The following XRCC4 variants were observed in gnomAD, a reference collection of about 807,000 sequenced individuals.
The protein encoded by XRCC4 is DNA repair protein XRCC4.
A neutral mutation model predicts 39.1 loss-of-function variants in XRCC4; 28 were observed. The observed-to-expected ratio is 0.72, with a 90% CI of 0.53 to 0.98. The LOEUF is 0.98. XRCC4 is among the 50% of genes least tolerant of loss of function. The pLI, the probability that XRCC4 is intolerant of heterozygous loss-of-function variation, is 0.00. For synonymous variants in XRCC4, 123 were observed against 126.4 expected (o/e 0.97, Z 0.18); for missense variants, 350 against 376.4 (o/e 0.93, Z 0.58).
chr5:83,333,931 G>A (rs1350726872), intron 7 of XRCC4, among the ~76,000 whole-genome samples: 1 of 151,940 alleles, frequency 6.6e-6, no homozygotes, highest in Non-Finnish European at 1.5e-5. Context: ...CACCACGCCT[G>A]GCTAATTTTT....
intron 7 of XRCC4, among the ~76,000 whole-genome samples, chr5:83,316,070 A>G (rs1022513793): frequency 4.6e-5 from 7 of 152,142 alleles, no homozygotes; most frequent in African/African-American, 1.7e-4. Flanking sequence ...CAACATTAAC[A>G]GGAGTTTGGG....
chr5:83,334,171 A>G (rs1180805566), intron 7 of XRCC4, among the ~76,000 whole-genome samples: 1 of 152,172 alleles, frequency 6.6e-6, no homozygotes, highest in Non-Finnish European at 1.5e-5. Flanking sequence ...ATCTTTCTAT[A>G]GGAAAAATCA....
intron 1 of XRCC4, among the ~76,000 whole-genome samples, chr5:83,097,474 A>G (rs772737994): frequency 3.3e-5 from 5 of 149,722 alleles, no homozygotes; most frequent in African/African-American, 1.0e-4. Context: ...AGTGGGGGGA[A>G]AAAAGTACAT....
rs138807348 is a variant in XRCC4 at position 83,285,679 on chromosome 5, T to C, written c.893+27002T>C. On this transcript the variant is annotated intron_variant, in intron 7 of 7. Transcript: ENST00000396027. ...ATAAACTGGCCATGGTGCCATATTG[T>C]GCAACTAATTAATATCGGTCAAGGG... 6.8e-3 allele frequency among the ~76,000 whole-genome samples: 1,031 copies of C among 152,304 alleles called. 31 individuals carry two copies. Among genetic ancestry groups the C allele is most frequent in the Admixed American group, 0.048 (741 of 15,286 alleles).
At chr5:83,305,486 A>G (rs138427358) in intron 7 of XRCC4, among the ~76,000 whole-genome samples, 1,913 of 152,232 alleles carry the variant, frequency 0.013, 38 homozygotes, top group African/African-American at 0.043. Context: ...AAAATGTGTT[A>G]TGTTTCCCAA....
chr5:83,120,562 A>C (rs1746962824), intron 3 of XRCC4, among the ~76,000 whole-genome samples: 1 of 152,208 alleles, frequency 6.6e-6, no homozygotes, highest in Non-Finnish European at 1.5e-5. Flanking sequence ...TCTGGCTCAT[A>C]ACTTTATTTG....
At chr5:83,336,586 C>T (rs1756601065) in intron 7 of XRCC4, among the ~76,000 whole-genome samples, 1 of 151,972 alleles carries the variant, frequency 6.6e-6, no homozygotes, top group Non-Finnish European at 1.5e-5. Flanking sequence ...GCTTATTTGC[C>T]CTGTTGTTTC....
rs1774108993 is a variant in XRCC4 at position 83,190,957 on chromosome 5, C to G, written c.316-4813C>G. ...TTTCTTTATTTGGACAGAATCACTGCCCAAATCCCTTACCTATCCTATTGT... is the reference window on the plus strand; with the variant it reads ...TTTCTTTATTTGGACAGAATCACTGGCCAAATCCCTTACCTATCCTATTGT... On this transcript the variant is annotated intron_variant, in intron 3 of 7. Transcript: ENST00000396027. Among the ~76,000 whole-genome samples, 3 of 152,088 alleles carry G rather than the reference C, an allele frequency of 2.0e-5. No individual in the cohort carries two copies. The South Asian group carries it at 6.2e-4, about 32-fold the overall frequency.
intron 3 of XRCC4, among the ~76,000 whole-genome samples, chr5:83,173,752 C>T (rs1023971785): frequency 1.3e-5 from 2 of 152,146 alleles, no homozygotes; most frequent in African/African-American, 2.4e-5. Flanking sequence ...CAGTTGAGAA[C>T]AACCTAACTA....
At chr5:83,174,623 G>T (rs1409501576) in intron 3 of XRCC4, among the ~76,000 whole-genome samples, 2 of 152,136 alleles carry the variant, frequency 1.3e-5, no homozygotes, top group African/African-American at 4.8e-5. Context: ...AGTGGAACTG[G>T]AGTAATGCAC....
At chr5:83,199,224 T>G (rs1751074048) in intron 4 of XRCC4, among the ~76,000 whole-genome samples, 1 of 152,144 alleles carries the variant, frequency 6.6e-6, no homozygotes, top group Non-Finnish European at 1.5e-5. Context: ...CTCCTCTTGA[T>G]AGCCCGTTAC....
intron 6 of XRCC4, among the ~76,000 whole-genome samples, chr5:83,251,392 C>T (rs527672270): frequency 2.6e-5 from 4 of 151,692 alleles, no homozygotes; most frequent in Non-Finnish European, 5.9e-5. Context: ...GGTGTGGTGG[C>T]GAGTGCCTGT....
At chr5:83,131,840 CCTGT>C (rs745863965) in intron 3 of XRCC4, among the ~76,000 whole-genome samples, 8 of 152,080 alleles carry the variant, frequency 5.3e-5, no homozygotes, top group Non-Finnish European at 1.0e-4. Flanking sequence ...CTCCAATCTG[CCTGT>C]CTGTGTCTTT....
chr5:83,348,745 CT>C (rs914049864), intron 7 of XRCC4, among the ~76,000 whole-genome samples: 27 of 152,220 alleles, frequency 1.8e-4, no homozygotes, highest in African/African-American at 6.3e-4. Flanking sequence ...ATGGGTTTTT[CT>C]TTTCTACCAT....
chr5:83,300,540 TTTTG>T (rs1320051693), intron 7 of XRCC4, among the ~76,000 whole-genome samples: 101 of 94,690 alleles, frequency 1.1e-3, no homozygotes, highest in African/African-American at 3.8e-3. Context: ...TAATTTTATC[TTTTG>T]TTTGTGTGTG....
chr5:83,286,272 G>C (rs1754729525), intron 7 of XRCC4, among the ~76,000 whole-genome samples: 1 of 152,096 alleles, frequency 6.6e-6, no homozygotes, highest in Admixed American at 6.6e-5. Context: ...TTTTCTGTCT[G>C]ACAGCTTGTC....
At chr5:83,256,023 A>G (rs1291096689) in intron 6 of XRCC4, among the ~76,000 whole-genome samples, 3 of 152,246 alleles carry the variant, frequency 2.0e-5, no homozygotes, top group Non-Finnish European at 4.4e-5. Flanking sequence ...ATGAAAACCC[A>G]TATGTAATAT....
chr5:83,172,774 A>C (rs952585005), intron 3 of XRCC4, among the ~76,000 whole-genome samples: 4 of 152,140 alleles, frequency 2.6e-5, no homozygotes, highest in African/African-American at 9.6e-5. Context: ...CCTCTAGGTT[A>C]CTCACTGATG....
intron 3 of XRCC4, among the ~76,000 whole-genome samples, chr5:83,165,887 CTTTT>C (rs34887034): frequency 4.0e-5 from 5 of 125,838 alleles, no homozygotes; most frequent in Non-Finnish European, 3.3e-5. Context: ...TTTTTTCTTT[CTTTT>C]TTTTTTTTTT....
Sources: gnomAD v4.1 joint callset for allele counts (sites outside exome capture counted in the v4.1 genomes callset) on GRCh38, gnomAD v4.1.1 for gene constraint, MANE v1.5 for transcripts, NCBI Gene and HGNC (gene_info 2026-07-23, HGNC 2026-07-21) for gene names.